SCRN2: variants seen among roughly 807,000 people sequenced by gnomAD.
SCRN2 encodes secernin-2.
Under a neutral mutation model 40.1 loss-of-function variants are expected in SCRN2, and 30 were observed. The observed-to-expected ratio is 0.75, with a 90% CI of 0.56 to 1.01. SCRN2 has a LOEUF of 1.01. Ranked by LOEUF, SCRN2 falls within the 50% of genes least tolerant of loss-of-function variation. SCRN2 has a pLI of 0.00. For synonymous variants in SCRN2, 240 were observed against 233.5 expected (o/e 1.03, Z -0.25); for missense variants, 526 against 564.9 (o/e 0.93, Z 0.70).
At chr17:47,840,420 C>T (rs2033798037) in intron 2 of SCRN2, 48 bp from the exon 3 acceptor site, 1 of 1,595,404 alleles carries the variant, frequency 6.3e-7, no homozygotes, top group Non-Finnish European at 8.6e-7. Context: ...AGAGGGGCGG[C>T]CCCTCGAGTG....
rs143762992 is a variant in SCRN2, at chr17:47,840,669, C to G, written c.174+1G>C. The G allele has an allele frequency of 7.5e-6, 12 of 1,600,814 alleles. No homozygotes were observed. In the African/African-American group the frequency reaches 1.3e-4, roughly 18 times the overall value. On this transcript the variant is annotated splice_donor_variant, in intron 2 of 7. Coordinates refer to ENST00000290216, the MANE Select transcript of SCRN2 (RefSeq NM_138355.4). LOFTEE classifies it high-confidence loss of function. ...CCAGCACCCCATAAAGTCTAACCCA[C>G]CTGGAGCCGGCTCCCAGGAGTGTGA...
intron 5 of SCRN2, 28 bp downstream of exon 5, chr17:47,838,762 GC>G: frequency 6.2e-7 from 1 of 1,610,640 alleles, no homozygotes. Flanking sequence ...GGCCCTCCTG[GC>G]CCCCAGCCCC....
At chr17:47,839,666 G>C (rs142824727) in intron 3 of SCRN2, 23 bp from the exon 4 acceptor site, 2 of 1,613,066 alleles carry the variant, frequency 1.2e-6, no homozygotes, top group Non-Finnish European at 1.7e-6. Flanking sequence ...AGGGCCAAGG[G>C]ACAGAAGGGT....
In SCRN2 at chr17:47,837,895, C is replaced by T; in HGVS notation, c.1227G>A (p.Leu409=). The stretch of plus-strand genomic sequence containing the variant: ...TCACGAAGGCCTGGAAGAGGCTGCC[C>T]AGCTCCCAGAGGGGTGGGGCCCACT... ...AGEWAPPLWE[L]GSLFQAFVKR... The change falls in exon 8 of 8, where the codon CTG becomes CTA. Residue 409 remains leucine (L), a synonymous_variant. Coordinates refer to ENST00000290216, the MANE Select transcript of SCRN2 (RefSeq NM_138355.4). The T allele has an allele frequency of 1.2e-6, 2 of 1,604,386 alleles. No individual in the cohort carries two copies. Among genetic ancestry groups the T allele is most frequent in the Non-Finnish European group, 1.7e-6 (2 of 1,179,648 alleles).
In SCRN2 at chr17:47,838,618, C is replaced by A; in HGVS notation, c.851G>T (p.Arg284Leu). 1 of 1,614,058 alleles carries A rather than the reference C, an allele frequency of 6.2e-7. No homozygotes were observed. Among genetic ancestry groups the A allele is most frequent in the Non-Finnish European group, 8.5e-7 (1 of 1,180,026 alleles). Residue 284 changes from arginine to leucine, a missense_variant, in exon 6 of 8, where the codon CGC becomes CTC. Arg to Leu is a moderately radical substitution (Grantham distance 102, BLOSUM62 -2). Coordinates refer to ENST00000290216, the MANE Select transcript of SCRN2 (RefSeq NM_138355.4). ...GACAGACACCATGCTGGCCGTGGTG[C>A]GAAAGCCTCCCGAGTCCATACAGAT... ...SGICMDSGGFRTTASMVSVLP... is the reference protein window; with the variant it reads ...SGICMDSGGFLTTASMVSVLP...
At position 47,840,206 on chromosome 17, in the gene SCRN2, C is replaced by A. The variant is rs377578539; in HGVS notation, c.341G>T (p.Gly114Val). The change falls in exon 3 of 8, where the codon GGC (glycine) becomes GTC (valine). Residue 114 changes from glycine (G) to valine (V), a missense_variant. By Grantham distance (109) the Gly-to-Val change is moderately radical (BLOSUM62 -3). Transcript: ENST00000290216. ...EPVGEGEALL[G>V]MDLLRLALER... ...GGGTCTGCACCTGAGTAGGTCCATG[C>A]CCAGCAGGGCTTCCCCCTCCCCAAC... 14 of 1,613,122 alleles carry A rather than the reference C, an allele frequency of 8.7e-6. No individual in the cohort carries two copies. Among genetic ancestry groups the A allele is most frequent in the Non-Finnish European group, 1.1e-5 (13 of 1,179,884 alleles).
At chr17:47,839,352 G>A in intron 4 of SCRN2, 92 bp downstream of exon 4, 1 of 1,310,106 alleles carries the variant, frequency 7.6e-7, no homozygotes, top group South Asian at 1.3e-5. Context: ...CATCTCCCTG[G>A]ATGTCCTGAC....
rs1307567556 is a variant in SCRN2 at position 47,838,858 on chromosome 17, C to T, written c.705G>A (p.Gln235=). 6.2e-7 allele frequency: 1 copy of T among 1,613,546 alleles called. No homozygotes were observed. Among genetic ancestry groups the T allele is most frequent in the African/African-American group, 1.3e-5 (1 of 74,938 alleles). The change falls in exon 5 of 8, where the codon CAG becomes CAA. Residue 235 remains glutamine, a synonymous_variant. Transcript: ENST00000290216. ...CCTTGGCAGCCTCCATGCGCACAGG[C>T]TGCTGGGTCAGGGAGAAGATCTGAG... ...DFAQIFSLTQ[Q]PVRMEAAKAR...
Position 47,840,480 on chromosome 17 carries a change from C to A in SCRN2, c.175-108G>T, listed in dbSNP as rs376063354. 82 of 1,359,498 alleles carry A rather than the reference C, an allele frequency of 6.0e-5. 1 individual carries two copies. The East Asian group carries it at 7.0e-4, about 12-fold the overall frequency. The allele number at this position is 1,359,498 out of a possible 1,614,324, so 84.2% of individuals were successfully genotyped here. ...GATCCCTTTGAGGAAGGTCTCATTCCCATTTTACAGAAGAGGAAACTGAGG... is the reference window on the plus strand; with the variant it reads ...GATCCCTTTGAGGAAGGTCTCATTCACATTTTACAGAAGAGGAAACTGAGG... On this transcript the variant is annotated intron_variant, in intron 2 of 7. Coordinates refer to ENST00000290216, the MANE Select transcript of SCRN2 (RefSeq NM_138355.4).
At chr17:47,840,996 G>T in intron 1 of SCRN2, 153 bp from the exon 2 acceptor site, 1 of 643,548 alleles carries the variant, frequency 1.6e-6, no homozygotes, top group Non-Finnish European at 2.3e-6. Flanking sequence ...GGGAACGGAG[G>T]TGCCCACCCT....
Position 47,839,456 on chromosome 17 carries a change from G to A in SCRN2, c.544C>T (p.Gln182Ter), listed in dbSNP as rs199533557. Residue 182 changes from glutamine (Q) to a stop codon, truncating the protein, a stop_gained, in exon 4 of 8, where the codon CAG becomes TAG. Coordinates refer to ENST00000290216, the MANE Select transcript of SCRN2 (RefSeq NM_138355.4). LOFTEE classifies it high-confidence loss of function. ...LETAGRLWAA[Q>*]RIQEGARNIS... ...GGGAACACCTCACCCTGGATCCTCT[G>A]TGCAGCCCAGAGCCTCCCAGCTGTC... 36 of 1,612,652 alleles carry A rather than the reference G, an allele frequency of 2.2e-5. No individual in the cohort carries two copies. Among genetic ancestry groups the A allele is most frequent in the Admixed American group, 6.7e-5 (4 of 60,006 alleles).
intron 3 of SCRN2, 198 bp downstream of exon 3, chr17:47,839,993 A>G (rs1339503839): frequency 1.7e-6 from 1 of 596,058 alleles, no homozygotes; most frequent in Non-Finnish European, 3.0e-6. Context: ...ATAAATAACC[A>G]CTGCTCTATT....
At chr17:47,840,865 C>T (rs1198206968) in intron 1 of SCRN2, 22 bp from the exon 2 acceptor site, 1 of 1,490,536 alleles carries the variant, frequency 6.7e-7, no homozygotes, top group Non-Finnish European at 8.9e-7. Flanking sequence ...CGGGCCTCTC[C>T]ATAACCCTGG....
intron 7 of SCRN2, 42 bp from the exon 8 acceptor site, chr17:47,838,044 C>A (rs1377837236): frequency 6.3e-7 from 1 of 1,586,620 alleles, no homozygotes; most frequent in Non-Finnish European, 8.5e-7. Context: ...CCGGGACAGG[C>A]TTCCCGCCAG....
intron 1 of SCRN2, 140 bp from the exon 2 acceptor site, chr17:47,840,983 T>C: frequency 1.3e-6 from 1 of 779,760 alleles, no homozygotes; most frequent in East Asian, 3.4e-5. Context: ...TGGACGGGTG[T>C]GCGGGAACGG....
Position 47,840,687 on chromosome 17 carries a change from G to C in SCRN2, c.157C>G (p.Pro53Ala). 6.2e-7 allele frequency: 1 copy of C among 1,604,344 alleles called. No homozygotes were observed. Among genetic ancestry groups the C allele is most frequent in the African/African-American group, 1.3e-5 (1 of 74,524 alleles). The part of the protein sequence containing the change: ...VVFVPAGTHT[P>A]GSRLQCTYIE... ...TAACCCACCTGGAGCCGGCTCCCAG[G>C]AGTGTGAGTGCCTGCGGGGACAAAC... The change falls in exon 2 of 8, where the codon CCT becomes GCT. Residue 53 changes from proline to alanine, a missense_variant. Transcript: ENST00000290216.
rs1163760830 is a variant in SCRN2 at position 47,838,374 on chromosome 17, G to A, written c.1015C>T (p.Gln339Ter). The A allele has an allele frequency of 2.5e-6, 4 of 1,610,710 alleles. No individual in the cohort carries two copies. The highest frequency in any genetic ancestry group is 3.4e-6 in the Non-Finnish European group (4 of 1,179,040). ...CGGGGCAGGGTCCGAACAGGGTCTT[G>A]TGCTCCAAAAGTGGGGGACAGCACC... ...PQVLSPTFGA[Q>*]DPVRTLPRFQ... is the part of the protein sequence containing the mutation. Residue 339 changes from glutamine (Q) to a stop codon, truncating the protein, a stop_gained, in exon 7 of 8, where the codon CAA (glutamine) becomes TAA (stop). Coordinates refer to ENST00000290216, the MANE Select transcript of SCRN2 (RefSeq NM_138355.4). LOFTEE classifies it high-confidence loss of function.
rs747975753 is a variant in SCRN2, at chr17:47,838,313, TAG to T, written c.1074_1075del (p.Tyr359ProfsTer112). 1.4e-5 allele frequency: 23 copies of T among 1,609,856 alleles called. No homozygotes were observed. Among genetic ancestry groups the T allele is most frequent in the Non-Finnish European group, 1.8e-5 (21 of 1,178,452 alleles). On this transcript the variant is annotated frameshift_variant, in exon 7 of 8. Coordinates refer to ENST00000290216, the MANE Select transcript of SCRN2 (RefSeq NM_138355.4). LOFTEE classifies it high-confidence loss of function. ...CCCCAGGGCTGCCTGGTGTCCACGG[TAG>T]AGGGTATGCCGACGATCTACCTGAG...
chr17:47,840,764 A>T lies in SCRN2; in HGVS notation c.80T>A (p.Val27Glu). 1 of 1,590,852 alleles carries T rather than the reference A, an allele frequency of 6.3e-7. No homozygotes were observed. Among genetic ancestry groups the T allele is most frequent in the Non-Finnish European group, 8.6e-7 (1 of 1,166,730 alleles). Residue 27 changes from valine to glutamate, a missense_variant, in exon 2 of 8, where the codon GTG becomes GAG. Val to Glu is a moderately radical substitution (Grantham distance 121, BLOSUM62 -2). Coordinates refer to ENST00000290216, the MANE Select transcript of SCRN2 (RefSeq NM_138355.4). ...TCGGTCCGAGTTCTTGGCAAAGATC[A>T]CAGCCGGGATGGCTGAGGCCGGGGG... ...SVPPASAIPAVIFAKNSDRPR... is the reference protein window; with the variant it reads ...SVPPASAIPAEIFAKNSDRPR...
Sources: allele counts gnomAD v4.1 joint callset, GRCh38; gene constraint gnomAD v4.1.1; transcripts MANE v1.5; gene names NCBI Gene and HGNC (gene_info 2026-07-23, HGNC 2026-07-21).